The following PCCA variants were observed in gnomAD, a reference collection of about 807,000 sequenced individuals.
PCCA encodes propionyl-CoA carboxylase alpha chain, mitochondrial.
A neutral mutation model predicts 101.3 loss-of-function variants in PCCA; 74 were observed. That is an observed-to-expected ratio of 0.73 (90% confidence interval 0.61 to 0.89). The LOEUF (loss-of-function observed/expected upper bound fraction) is 0.89. PCCA is among the 40% of genes least tolerant of loss of function. PCCA has a pLI of 0.00. For missense variants in PCCA, 891 were observed against 907.0 expected (o/e 0.98, Z 0.23); for synonymous variants, 294 against 313.6 (o/e 0.94, Z 0.66).
chr13:100,273,211 G>A lies in PCCA; in HGVS notation c.930G>A (p.Ala310=), dbSNP rs377248400. Residue 310 remains alanine (A), a synonymous_variant, in exon 12 of 24, where the codon GCG becomes GCA. Transcript: ENST00000376285. Reference sequence around the variant, plus strand: ...GTATATGTAGCATTTTTTTGGATGCGGAGACTCGAAGAGCGATGGGAGAAC... The same window carrying A: ...GTATATGTAGCATTTTTTTGGATGCAGAGACTCGAAGAGCGATGGGAGAAC... ...VEEAPSIFLD[A]ETRRAMGEQA... 9 of 1,612,736 alleles carry A rather than the reference G, an allele frequency of 5.6e-6. No homozygotes were observed. The highest frequency in any genetic ancestry group is 2.2e-5 in the South Asian group (2 of 91,026).
intron 19 of PCCA, among the ~76,000 whole-genome samples, chr13:100,404,251 A>G (rs2077539513): frequency 6.6e-6 from 1 of 152,226 alleles, no homozygotes; most frequent in African/African-American, 2.4e-5. Flanking sequence ...AGGGAGAAGG[A>G]GGCCAAAAGC....
intron 8 of PCCA, among the ~76,000 whole-genome samples, chr13:100,242,144 G>A (rs1415685): frequency 0.4 from 61,275 of 151,906 alleles, 13,020 homozygotes; most frequent in East Asian, 0.75. Flanking sequence ...TAAAAAAAGT[G>A]ACTCAACTAT....
At chr13:100,389,837 A>G (rs890148709) in intron 19 of PCCA, among the ~76,000 whole-genome samples, 42 of 152,142 alleles carry the variant, frequency 2.8e-4, no homozygotes, top group African/African-American at 1.0e-3. Context: ...GCCATGTGAA[A>G]GTGCCAGCCC....
chr13:100,235,932 T>C, intron 8 of PCCA, 54 bp downstream of exon 8: 2 of 1,097,178 alleles, frequency 1.8e-6, no homozygotes, highest in Non-Finnish European at 2.8e-6. Context: ...GCAGATACGG[T>C]TGAGTCAACA....
intron 21 of PCCA, among the ~76,000 whole-genome samples, chr13:100,452,149 C>T (rs1188718438): frequency 1.4e-5 from 2 of 138,042 alleles, no homozygotes; most frequent in African/African-American, 2.8e-5. Context: ...CCTCTTCTTC[C>T]TCTCCCTCTC....
chr13:100,227,078 ACTGCAACCTCCGCCTCCTGAGTAG>A (rs919084934), intron 7 of PCCA, among the ~76,000 whole-genome samples: 1 of 151,928 alleles, frequency 6.6e-6, no homozygotes, highest in African/African-American at 2.4e-5. Flanking sequence ...ATCTTGGCTC[ACTGCAACCTCCGCCTCCTGAGTAG>A]CTGGGATTGC....
At chr13:100,371,557 C>T (rs1404833209) in intron 19 of PCCA, among the ~76,000 whole-genome samples, 3 of 151,942 alleles carry the variant, frequency 2.0e-5, no homozygotes, top group African/African-American at 4.8e-5. Flanking sequence ...GGCAACACAG[C>T]AAGACTCCAT....
At chr13:100,170,717 A>G (rs773983626) in intron 6 of PCCA, among the ~76,000 whole-genome samples, 6 of 152,242 alleles carry the variant, frequency 3.9e-5, no homozygotes, top group Non-Finnish European at 8.8e-5. Flanking sequence ...CTTAACCACA[A>G]TATTTGATTT....
chr13:100,432,667 A>C (rs2079638614), intron 20 of PCCA, among the ~76,000 whole-genome samples: 1 of 152,204 alleles, frequency 6.6e-6, no homozygotes, highest in African/African-American at 2.4e-5. Flanking sequence ...ATGTGTCCTC[A>C]TAATAGAGGA....
rs577932508 is a variant in PCCA at position 100,117,582 on chromosome 13, T to C, written c.300+5521T>C. ...GGTGGGAATTGAACAATGAAGACAC[T>C]TGGACACAGGGTAGGGAACATCACA... On this transcript the variant is annotated intron_variant, in intron 4 of 23. Transcript: ENST00000376285. Among the ~76,000 whole-genome samples, 3 of 152,120 alleles carry C rather than the reference T, an allele frequency of 2.0e-5. No individual in the cohort carries two copies. In the South Asian group the frequency reaches 6.2e-4, roughly 32 times the overall value.
intron 4 of PCCA, among the ~76,000 whole-genome samples, chr13:100,120,078 G>A (rs541221488): frequency 3.3e-5 from 5 of 151,784 alleles, no homozygotes; most frequent in Non-Finnish European, 1.5e-5. Flanking sequence ...GGCCAGGCTG[G>A]TCTCGAACTC....
intron 21 of PCCA, among the ~76,000 whole-genome samples, chr13:100,506,708 T>C (rs991196587): frequency 5.3e-5 from 8 of 152,038 alleles, no homozygotes; most frequent in African/African-American, 1.9e-4. Flanking sequence ...CCATCTTTTT[T>C]CCCCAAAGGT....
chr13:100,337,865 C>T (rs915813643), intron 17 of PCCA, among the ~76,000 whole-genome samples: 3 of 152,172 alleles, frequency 2.0e-5, no homozygotes, highest in African/African-American at 4.8e-5. Context: ...ATGAGAAATA[C>T]ATTTTACATC....
At position 100,499,294 on chromosome 13, in the gene PCCA, G is replaced by A. The variant is rs531611491; in HGVS notation, c.1900-16133G>A. On this transcript the variant is annotated intron_variant, in intron 21 of 23. Coordinates refer to ENST00000376285, the MANE Select transcript of PCCA (RefSeq NM_000282.4). ...AAACTAGGAGATAGTTTTGTATCCC[G>A]GAAGATAATCATTGTTCCATTCAGG... 7.2e-5 allele frequency among the ~76,000 whole-genome samples: 11 copies of A among 152,310 alleles called. No homozygotes were observed. In the East Asian group the frequency reaches 1.2e-3, roughly 16 times the overall value.
chr13:100,327,857 G>A (rs1448082146), intron 16 of PCCA, among the ~76,000 whole-genome samples: 1 of 151,974 alleles, frequency 6.6e-6, no homozygotes, highest in African/African-American at 2.4e-5. Flanking sequence ...TTTTTTACTT[G>A]GTGTGTTTTT....
At chr13:100,346,129 G>C (rs2072178555) in intron 18 of PCCA, among the ~76,000 whole-genome samples, 1 of 152,178 alleles carries the variant, frequency 6.6e-6, no homozygotes, top group African/African-American at 2.4e-5. Flanking sequence ...GGATCAGGGA[G>C]TCATTTTGAT....
At position 100,530,094 on chromosome 13, in the gene PCCA, CA is replaced by C; in HGVS notation, c.2119-2del. 6.2e-7 allele frequency: 1 copy of C among 1,613,200 alleles called. No individual in the cohort carries two copies. The highest frequency in any genetic ancestry group is 8.5e-7 in the Non-Finnish European group (1 of 1,179,222). On this transcript the variant is annotated splice_polypyrimidine_tract_variant and splice_region_variant and intron_variant, in intron 23 of 23. Coordinates refer to ENST00000376285, the MANE Select transcript of PCCA (RefSeq NM_000282.4). ...CCCTCCCCCTGCATTTTTCAAAATT[CA>C]AGGTGAAATCTGTGCACTGTCAAGC... is the stretch of plus-strand genomic sequence containing the variant.
intron 4 of PCCA, among the ~76,000 whole-genome samples, chr13:100,114,746 G>A (rs866927541): frequency 1.3e-5 from 2 of 152,272 alleles, no homozygotes; most frequent in East Asian, 1.9e-4. Flanking sequence ...ATCTTACCCC[G>A]GTTAAAACGG....
At chr13:100,293,437 CAATT>C (rs566026886) in intron 12 of PCCA, among the ~76,000 whole-genome samples, 1 of 152,070 alleles carries the variant, frequency 6.6e-6, no homozygotes, top group African/African-American at 2.4e-5. Context: ...TGGTTTATAA[CAATT>C]AACTATAATT....
Sources: gnomAD v4.1 joint callset for allele counts (sites outside exome capture counted in the v4.1 genomes callset) on GRCh38, gnomAD v4.1.1 for gene constraint, MANE v1.5 for transcripts, NCBI Gene and HGNC (gene_info 2026-07-23, HGNC 2026-07-21) for gene names.